Variants in TP53BP2 observed in about 807,000 individuals in gnomAD.
The protein encoded by TP53BP2 is tumor protein p53 binding protein 2, also known as apoptosis-stimulating of p53 protein 2.
Under a neutral mutation model 126.2 loss-of-function variants are expected in TP53BP2, and 62 were observed. That is an observed-to-expected ratio of 0.49 (90% confidence interval 0.40 to 0.61). The LOEUF (loss-of-function observed/expected upper bound fraction) is 0.61. Ranked by LOEUF, TP53BP2 falls within the 20% of genes least tolerant of loss-of-function variation. TP53BP2 has a pLI of 0.00. For missense variants in TP53BP2, 1,215 were observed against 1,402.8 expected (o/e 0.87, Z 2.14); for synonymous variants, 485 against 502.9 (o/e 0.96, Z 0.48).
At chr1:223,834,375 G>C (rs1279387438) in intron 1 of TP53BP2, among the ~76,000 whole-genome samples, 1 of 152,128 alleles carries the variant, frequency 6.6e-6, no homozygotes, top group Admixed American at 6.5e-5. Context: ...CTGCATTAGA[G>C]GGTTTTGAGC....
intron 15 of TP53BP2, among the ~76,000 whole-genome samples, chr1:223,791,892 T>C (rs1662167806): frequency 6.6e-6 from 1 of 152,184 alleles, no homozygotes; most frequent in African/African-American, 2.4e-5. Context: ...TCCCCTATCC[T>C]GCAAACAATA....
chr1:223,798,783 T>A, intron 11 of TP53BP2, 106 bp from the exon 12 acceptor site: 1 of 1,032,524 alleles, frequency 9.7e-7, no homozygotes, highest in Non-Finnish European at 1.4e-6. Context: ...ATAAAAATAT[T>A]AGCTCTGGCC....
chr1:223,845,390 C>T, intron 1 of TP53BP2: 2 of 494,398 alleles, frequency 4.0e-6, no homozygotes, highest in Non-Finnish European at 5.2e-6. Flanking sequence ...GGCTCGCGGG[C>T]GGCTCGCCTG....
chr1:223,808,916 T>C (rs907782163), intron 4 of TP53BP2, among the ~76,000 whole-genome samples: 3 of 152,146 alleles, frequency 2.0e-5, no homozygotes, highest in East Asian at 3.8e-4. Context: ...CACAATGCGA[T>C]ACCACTACAC....
chr1:223,832,391 C>G (rs1558109867), intron 1 of TP53BP2, among the ~76,000 whole-genome samples: 2 of 152,186 alleles, frequency 1.3e-5, no homozygotes, highest in Non-Finnish European at 2.9e-5. Flanking sequence ...AGGGGAAAAT[C>G]TGAATGGTTT....
Position 223,792,490 on chromosome 1 carries a change from G to A in TP53BP2, c.2895C>T (p.Gly965=). Residue 965 remains glycine, a synonymous_variant, in exon 15 of 18, where the codon GGC becomes GGT. Transcript: ENST00000343537. ...ACACAGCATTGTGAAGAGCCGTGATGCCTTCATCATTGGGGAGGCTTGGGT... is the reference window on the plus strand; with the variant it reads ...ACACAGCATTGTGAAGAGCCGTGATACCTTCATCATTGGGGAGGCTTGGGT... ...VDDPSLPNDE[G]ITALHNAVCA... is the part of the protein sequence containing the mutation. 1 of 1,614,016 alleles carries A rather than the reference G, an allele frequency of 6.2e-7. No individual in the cohort carries two copies. The highest frequency in any genetic ancestry group is 1.1e-5 in the South Asian group (1 of 91,060).
intron 1 of TP53BP2, among the ~76,000 whole-genome samples, chr1:223,824,951 C>T (rs1663436733): frequency 6.6e-6 from 1 of 151,832 alleles, no homozygotes; most frequent in African/African-American, 2.4e-5. Context: ...TTCCTCATCT[C>T]CGTCACGCCT....
Position 223,800,909 on chromosome 1 carries a change from A to C in TP53BP2, c.1226-99T>G, listed in dbSNP as rs1004964381. ...TTTTAATCTCTAAAAACAGCTTTAA[A>C]TTCCAGACTCACAACACCCCAATAA... On this transcript the variant is annotated intron_variant, in intron 9 of 17. Transcript: ENST00000343537. 5.5e-5 allele frequency: 42 copies of C among 762,522 alleles called. No homozygotes were observed. In the African/African-American group the frequency reaches 7.4e-4, roughly 13 times the overall value. The allele number at this position is 762,522 out of a possible 1,614,324, so 47.2% of individuals were successfully genotyped here.
chr1:223,807,835 A>T (rs970209776), intron 4 of TP53BP2, among the ~76,000 whole-genome samples: 4 of 152,208 alleles, frequency 2.6e-5, no homozygotes, highest in Admixed American at 2.6e-4. Flanking sequence ...ATGAATTGGA[A>T]GCTCAATACT....
At chr1:223,788,040 G>C (rs1276796282) in intron 16 of TP53BP2, among the ~76,000 whole-genome samples, 3 of 151,978 alleles carry the variant, frequency 2.0e-5, no homozygotes, top group Non-Finnish European at 4.4e-5. Context: ...CTGCACTCCA[G>C]CCTGGGTGAC....
At chr1:223,832,336 G>C (rs1324072513) in intron 1 of TP53BP2, among the ~76,000 whole-genome samples, 2 of 152,166 alleles carry the variant, frequency 1.3e-5, no homozygotes, top group African/African-American at 4.8e-5. Context: ...CAACTCACAA[G>C]AAATACCACA....
rs376978247 is a variant in TP53BP2 at position 223,795,929 on chromosome 1, C to T, written c.2610G>A (p.Glu870=). ...GTGGGGGTGGGTATGGAGGGTACTC[C>T]TCCAGGTACACATCAAGCACATGTG... ...EAPHVLDVYL[E]EYPPYPPPPY... is the part of the protein sequence containing the mutation. The change falls in exon 13 of 18, where the codon GAG becomes GAA. Residue 870 remains glutamate, a synonymous_variant. Transcript: ENST00000343537. 35 of 1,613,956 alleles carry T rather than the reference C, an allele frequency of 2.2e-5. No individual in the cohort carries two copies. The highest frequency in any genetic ancestry group is 2.7e-5 in the Non-Finnish European group (32 of 1,180,000).
chr1:223,845,301 C>G, intron 1 of TP53BP2: 1 of 974,152 alleles, frequency 1.0e-6, no homozygotes. Flanking sequence ...ACAAGGTCCC[C>G]GGTTCCCGTA....
rs371360923 is a variant in TP53BP2 at position 223,803,241 on chromosome 1, T to C, written c.831+30A>G. 3.8e-6 allele frequency: 6 copies of C among 1,580,080 alleles called. No individual in the cohort carries two copies. In the African/African-American group the frequency reaches 8.1e-5, roughly 21 times the overall value. ...AACTCTGTTTCTGGAAAGGAGGTTGTACAGCTTTTGGCAAACAGCTACGGT... is the reference window on the plus strand; with the variant it reads ...AACTCTGTTTCTGGAAAGGAGGTTGCACAGCTTTTGGCAAACAGCTACGGT... On this transcript the variant is annotated intron_variant, in intron 7 of 17. Coordinates refer to ENST00000343537, the MANE Select transcript of TP53BP2 (RefSeq NM_001031685.3).
Position 223,795,923 on chromosome 1 carries a change from G to A in TP53BP2, c.2616C>T (p.Tyr872=). ...PHVLDVYLEE[Y]PPYPPPPYPS... Reference sequence around the variant, plus strand: ...GGTATGGTGGGGGTGGGTATGGAGGGTACTCCTCCAGGTACACATCAAGCA... The same window carrying A: ...GGTATGGTGGGGGTGGGTATGGAGGATACTCCTCCAGGTACACATCAAGCA... The change falls in exon 13 of 18, where the codon TAC becomes TAT. Residue 872 remains tyrosine (Y), a synonymous_variant. Coordinates refer to ENST00000343537, the MANE Select transcript of TP53BP2 (RefSeq NM_001031685.3). 2 of 1,613,992 alleles carry A rather than the reference G, an allele frequency of 1.2e-6. No homozygotes were observed. The highest frequency in any genetic ancestry group is 1.7e-6 in the Non-Finnish European group (2 of 1,179,962).
At chr1:223,803,989 A>C (rs1662624554) in intron 6 of TP53BP2, among the ~76,000 whole-genome samples, 185 bp downstream of exon 6, 1 of 152,244 alleles carries the variant, frequency 6.6e-6, no homozygotes, top group African/African-American at 2.4e-5. Flanking sequence ...GATACCCTTT[A>C]AAGTTATCTA....
intron 1 of TP53BP2, among the ~76,000 whole-genome samples, chr1:223,831,607 AT>A (rs1279426249): frequency 1.3e-5 from 2 of 149,046 alleles, no homozygotes; most frequent in Non-Finnish European, 3.0e-5. Flanking sequence ...ACAGTAAAAT[AT>A]TTTTATAATA....
rs1439265693 is a variant in TP53BP2 at position 223,804,319 on chromosome 1, T to C, written c.504A>G (p.Gln168=). ...CAACTTGTTGCTGTTGTCGCTGATC[T>C]TGTTGTTTCAAAAACTTTAAGCGCT... The part of the protein sequence containing the change: ...KEQRLKFLKQ[Q]DQRQQQQVAE... Residue 168 remains glutamine, a synonymous_variant, in exon 6 of 18, where the codon CAA becomes CAG. Transcript: ENST00000343537. 1 of 1,613,644 alleles carries C rather than the reference T, an allele frequency of 6.2e-7. No homozygotes were observed.
At chr1:223,804,453 G>C in intron 5 of TP53BP2, 105 bp from the exon 6 acceptor site, 1 of 1,036,692 alleles carries the variant, frequency 9.6e-7, no homozygotes, top group Non-Finnish European at 1.4e-6. Context: ...AGGTACACTT[G>C]TAACCCTGGT....
Sources: allele counts gnomAD v4.1 joint callset (sites outside exome capture counted in the v4.1 genomes callset), GRCh38; gene constraint gnomAD v4.1.1; transcripts MANE v1.5; gene names NCBI Gene and HGNC (gene_info 2026-07-23, HGNC 2026-07-21).